CPT1C: variants seen among roughly 807,000 people sequenced by gnomAD.
CPT1C encodes carnitine palmitoyltransferase 1C.
A neutral mutation model predicts 97.3 loss-of-function variants in CPT1C; 61 were observed. That is an observed-to-expected ratio of 0.63 (90% CI 0.51 to 0.78). CPT1C has a LOEUF of 0.78. Ranked by LOEUF, CPT1C falls within the 30% of genes least tolerant of loss-of-function variation. The probability of loss-of-function intolerance (pLI) is 0.00; values close to 1 mark genes in which losing one functional copy is unlikely to be tolerated. For missense variants in CPT1C, 975 were observed against 1,065.5 expected, an observed-to-expected ratio of 0.92 and a Z score of 1.18; for synonymous variants, 469 against 447.2, an observed-to-expected ratio of 1.05 and a Z score of -0.61.
At chr19:49,708,027 A>AG (rs1349496000) in intron 13 of CPT1C, among the ~76,000 whole-genome samples, 9 of 148,092 alleles carry the variant, frequency 6.1e-5, no homozygotes, top group Non-Finnish European at 1.3e-4. Flanking sequence ...AAAAAAAAAA[A>AG]GAAAAGAAAA....
At chr19:49,698,863 G>T (rs1320676981) in intron 4 of CPT1C, among the ~76,000 whole-genome samples, 1 of 151,924 alleles carries the variant, frequency 6.6e-6, no homozygotes, top group Non-Finnish European at 1.5e-5. Context: ...AGCACTTTGG[G>T]AGGCTGAGGC....
rs755112332 is a variant in CPT1C at position 49,706,108 on chromosome 19, AGGGTCAG to A, written c.1160+22_1160+28del. Reference sequence around the variant, plus strand: ...CAGCTCTGACAGCTGCTCCCAGGTAAGGGTCAGGGGTCAGGGGTCAGGGGCTCTCAGA... The same window carrying A: ...CAGCTCTGACAGCTGCTCCCAGGTAAGGGTCAGGGGTCAGGGGCTCTCAGA... On this transcript the variant is annotated splice_donor_5th_base_variant and intron_variant, in intron 11 of 19. Transcript: ENST00000598293. The surrounding 1 kb of genome is among the most constrained non-coding windows in gnomAD (Gnocchi z 4.8). 7.4e-5 allele frequency: 119 copies of A among 1,612,200 alleles called. No individual in the cohort carries two copies. The highest frequency in any genetic ancestry group is 4.9e-4 in the Middle Eastern group (3 of 6,070).
At position 49,710,426 on chromosome 19, in the gene CPT1C, GCTGC is replaced by G. The variant is rs762528737; in HGVS notation, c.1675_1678del (p.Cys559ThrfsTer25). The stretch of plus-strand genomic sequence containing the variant: ...CTATTTGGCAAGAGCTTCATCCGAC[GCTGC>G]CACCTCTCTTCAGACAGCTTCATCC... On this transcript the variant is annotated frameshift_variant, in exon 15 of 20. Coordinates refer to ENST00000598293, the MANE Select transcript of CPT1C (RefSeq NM_001199753.2). LOFTEE classifies it high-confidence loss of function. 1.2e-6 allele frequency: 2 copies of G among 1,614,094 alleles called. No homozygotes were observed. Among genetic ancestry groups the G allele is most frequent in the Non-Finnish European group, 1.7e-6 (2 of 1,180,026 alleles).
chr19:49,709,391 A>G (rs1470893588), intron 14 of CPT1C, among the ~76,000 whole-genome samples: 3 of 150,828 alleles, frequency 2.0e-5, no homozygotes, highest in East Asian at 3.9e-4. Flanking sequence ...CCCACCTCCA[A>G]CCACAACCCA....
chr19:49,704,355 A>G (rs1310977687), intron 7 of CPT1C, among the ~76,000 whole-genome samples: 1 of 152,132 alleles, frequency 6.6e-6, no homozygotes, highest in African/African-American at 2.4e-5. Context: ...TATTTTTAGT[A>G]GAGACAGGGT....
intron 7 of CPT1C, among the ~76,000 whole-genome samples, chr19:49,702,183 T>TAAATTATAAATAA (rs1468218416): frequency 7.4e-6 from 1 of 135,146 alleles, no homozygotes; most frequent in African/African-American, 2.7e-5. Flanking sequence ...TATTTATTTA[T>TAAATTATAAATAA]ATATAGGCTT....
At chr19:49,712,925 G>A (rs1305448736) in intron 18 of CPT1C, 47 bp from the exon 19 acceptor site, 1 of 1,593,826 alleles carries the variant, frequency 6.3e-7, no homozygotes, top group Non-Finnish European at 8.6e-7. Flanking sequence ...TAGTGGGGGT[G>A]GAGGGGACCG....
Position 49,708,924 on chromosome 19 carries a change from G to A in CPT1C, c.1566+85G>A, listed in dbSNP as rs535552054. On this transcript the variant is annotated intron_variant, in intron 14 of 19. Transcript: ENST00000598293. ...ACTCATCCCCACCCCTAATCTGAAC[G>A]TGAAAATCAACCCCATTCCTACCCC... 7.1e-5 allele frequency: 62 copies of A among 878,134 alleles called. 1 individual carries two copies. Among genetic ancestry groups the A allele is most frequent in the African/African-American group, 4.4e-4 (26 of 59,550 alleles). The allele number at this position is 878,134 out of a possible 1,614,324, so 54.4% of individuals were successfully genotyped here.
intron 3 of CPT1C, among the ~76,000 whole-genome samples, chr19:49,693,149 G>C (rs2082448821): frequency 6.6e-6 from 1 of 152,130 alleles, no homozygotes; most frequent in Admixed American, 6.6e-5. Flanking sequence ...AAGCGCTTGG[G>C]TTACAGGAAT....
Position 49,713,642 on chromosome 19 carries a change from A to C in CPT1C, c.*37A>C. On this transcript the variant is annotated 3_prime_UTR_variant, in exon 20 of 20. Coordinates refer to ENST00000598293, the MANE Select transcript of CPT1C (RefSeq NM_001199753.2). Reference sequence around the variant, plus strand: ...AGGCAGCTGGCCTCTCCAAGGAATAAGGGTGAAATTGCCACAGCTGGCTGA... The same window carrying C: ...AGGCAGCTGGCCTCTCCAAGGAATACGGGTGAAATTGCCACAGCTGGCTGA... 6.4e-7 allele frequency: 1 copy of C among 1,568,350 alleles called. No homozygotes were observed.
In CPT1C at chr19:49,705,110, C is replaced by T. The variant is rs947674908; in HGVS notation, c.875C>T (p.Pro292Leu). The T allele has an allele frequency of 1.2e-6, 2 of 1,614,032 alleles. No individual in the cohort carries two copies. Among genetic ancestry groups the T allele is most frequent in the Admixed American group, 1.7e-5 (1 of 60,004 alleles). The change falls in exon 9 of 20, where the codon CCC becomes CTC. Residue 292 changes from proline (P) to leucine (L), a missense_variant. Transcript: ENST00000598293. Reference protein sequence around the residue: ...YRHRLNRQEIPPTLLMGMRPL... With the variant: ...YRHRLNRQEILPTLLMGMRPL... Reference sequence around the variant, plus strand: ...CACCGCCTGAACCGCCAGGAGATACCCCCGGTGAGAGGGCCCCAGTGGGTT... The same window carrying T: ...CACCGCCTGAACCGCCAGGAGATACTCCCGGTGAGAGGGCCCCAGTGGGTT...
chr19:49,701,894 T>A (rs868781429), intron 7 of CPT1C, among the ~76,000 whole-genome samples: 3 of 112,740 alleles, frequency 2.7e-5, no homozygotes, highest in Non-Finnish European at 5.1e-5. Context: ...ATATATTTAT[T>A]TATAAATATA....
At chr19:49,703,568 C>T (rs34722696) in intron 7 of CPT1C, among the ~76,000 whole-genome samples, 10,232 of 81,862 alleles carry the variant, frequency 0.12, 939 homozygotes, top group Non-Finnish European at 0.16. Context: ...CTCTCTCCTC[C>T]CTCCCTCCCT....
chr19:49,712,933 C>T (rs1482814306), intron 18 of CPT1C, 39 bp from the exon 19 acceptor site: 1 of 1,596,912 alleles, frequency 6.3e-7, no homozygotes, highest in Admixed American at 1.7e-5. Flanking sequence ...GTGGAGGGGA[C>T]CGGAGCTATT....
In CPT1C at chr19:49,708,723, T is replaced by C. The variant is rs1201590576; in HGVS notation, c.1450T>C (p.Phe484Leu). 1 of 1,612,218 alleles carries C rather than the reference T, an allele frequency of 6.2e-7. No individual in the cohort carries two copies. Among genetic ancestry groups the C allele is most frequent in the Non-Finnish European group, 8.5e-7 (1 of 1,178,474 alleles). The change falls in exon 14 of 20, where the codon TTC (phenylalanine) becomes CTC (leucine). Residue 484 changes from phenylalanine (F) to leucine (L), a missense_variant and splice_region_variant. By Grantham distance (22) the Phe-to-Leu change is conservative (BLOSUM62 0). This residue lies in a region of CPT1C where 35 missense variants were observed against 66.6 expected (regional missense o/e 0.53). Transcript: ENST00000598293. ...TCTAACAGCCTCTGTTTGCCCACAG[T>C]TCACTCTGGCTACAGAATGCTTTCA... ...DCPISGHMWE[F>L]TLATECFQLG...
intron 10 of CPT1C, 121 bp from the exon 11 acceptor site, chr19:49,705,788 T>G: frequency 1.1e-6 from 1 of 869,650 alleles, no homozygotes; most frequent in East Asian, 2.5e-5. Context: ...AGTCCTAGGG[T>G]GCTGATGATT....
Position 49,691,286 on chromosome 19 carries a change from G to C in CPT1C, c.-138G>C, listed in dbSNP as rs115254624. 14,682 of 152,100 alleles carry C rather than the reference G, an allele frequency of 0.097. 1,046 individuals are homozygous for C. The highest frequency in any genetic ancestry group is 0.2 in the African/African-American group (8,079 of 41,394). 9.4% of individuals were successfully genotyped at this position (152,100 alleles called of 1,614,324 possible). ...CCGGCGCTCAAAATCGGGGGGCGGG[G>C]GTGGACTCGGGTTTGGACCCCAGGA... On this transcript the variant is annotated 5_prime_UTR_variant, in exon 1 of 20. Coordinates refer to ENST00000598293, the MANE Select transcript of CPT1C (RefSeq NM_001199753.2).
chr19:49,711,259 A>AT, intron 16 of CPT1C: 1 of 137,572 alleles, frequency 7.3e-6, no homozygotes, highest in African/African-American at 3.3e-5. Context: ...ATGCCCAGCT[A>AT]ATTTTTTTTT....
chr19:49,706,498 G>A lies in CPT1C; in HGVS notation c.1343+85G>A. The A allele has an allele frequency of 8.3e-7, 1 of 1,200,752 alleles. No individual in the cohort carries two copies. Among genetic ancestry groups the A allele is most frequent in the Non-Finnish European group, 1.1e-6 (1 of 919,508 alleles). The allele number at this position is 1,200,752 out of a possible 1,614,324, so 74.4% of individuals were successfully genotyped here. ...TAGGACCCCTGACAGTAGACAGCCA[G>A]ACCCTGGAGCCCACACCTGCAGAGT... On this transcript the variant is annotated intron_variant, in intron 12 of 19. Coordinates refer to ENST00000598293, the MANE Select transcript of CPT1C (RefSeq NM_001199753.2). This position sits in a 1 kb window ranked among gnomAD's most constrained non-coding sequence, Gnocchi z 4.8.
Sources: gnomAD v4.1 joint callset for allele counts (sites outside exome capture counted in the v4.1 genomes callset) on GRCh38, gnomAD v4.1.1 for gene constraint, gnomAD v4.1.1 regional missense constraint, Gnocchi (gnomAD v3.1) non-coding constraint, MANE v1.5 for transcripts, NCBI Gene and HGNC (gene_info 2026-07-23, HGNC 2026-07-21) for gene names.